RCN3: variants seen among roughly 807,000 people sequenced by gnomAD.
RCN3 encodes the protein reticulocalbin-3.
RCN3 carries 41 observed loss-of-function variants against 35.9 expected under a neutral mutation model. That is an observed-to-expected ratio of 1.14 (90% CI 0.89 to 1.48). The LOEUF (loss-of-function observed/expected upper bound fraction) is 1.48. RCN3 is among the 40% of genes most tolerant of loss of function. The pLI is 0.00. For missense variants in RCN3, 451 were observed against 471.3 expected, an observed-to-expected ratio of 0.96 and a Z score of 0.40; for synonymous variants, 187 against 193.4, an observed-to-expected ratio of 0.97 and a Z score of 0.27.
chr19:49,529,416 G>A (rs573601455), intron 2 of RCN3, among the ~76,000 whole-genome samples: 14 of 152,330 alleles, frequency 9.2e-5, no homozygotes, highest in Non-Finnish European at 1.8e-4. Flanking sequence ...TGGGTGGAAT[G>A]GAGCCCTGTC....
rs79559204 is a variant in RCN3 at position 49,537,130 on chromosome 19, G to A, written c.543G>A (p.Ser181=). 4.9e-3 allele frequency: 7,885 copies of A among 1,597,044 alleles called. 339 individuals are homozygous for A. The African/African-American group carries it at 0.09, about 18-fold the overall frequency. ...RFRVADQDGD[S]MATREELTAF... ...GGGTGGCCGACCAGGATGGGGACTC[G>A]ATGGCCACTCGAGAGGAGCTGACAG... Residue 181 remains serine (S), a synonymous_variant, in exon 4 of 7, where the codon TCG becomes TCA. Transcript: ENST00000270645.
At position 49,542,722 on chromosome 19, in the gene RCN3, C is replaced by G; in HGVS notation, c.849C>G (p.Asn283Lys). 1 of 1,593,446 alleles carries G rather than the reference C, an allele frequency of 6.3e-7. No homozygotes were observed. The highest frequency in any genetic ancestry group is 8.5e-7 in the Non-Finnish European group (1 of 1,171,542). Residue 283 changes from asparagine (N) to lysine (K), a missense_variant, in exon 6 of 7, where the codon AAC becomes AAG. By Grantham distance (94) the Asn-to-Lys change is moderately conservative (BLOSUM62 0). Coordinates refer to ENST00000270645, the MANE Select transcript of RCN3 (RefSeq NM_020650.3). Reference protein sequence around the residue: ...PAQDQPLVEANHLLHESDTDK... With the variant: ...PAQDQPLVEAKHLLHESDTDK... ...AGGACCAGCCCCTGGTGGAAGCCAA[C>G]CACCTGCTGCACGAGAGCGACACGG...
intron 2 of RCN3, among the ~76,000 whole-genome samples, chr19:49,529,936 A>C (rs867172361): frequency 1.0e-5 from 1 of 96,278 alleles, no homozygotes; most frequent in East Asian, 3.8e-4. Flanking sequence ...TTGTATTTTT[A>C]TTTTTTATTT....
Position 49,539,181 on chromosome 19 carries a change from T to C in RCN3, c.679+2T>C. On this transcript the variant is annotated splice_donor_variant, in intron 5 of 6. Transcript: ENST00000270645. LOFTEE classifies it high-confidence loss of function. The stretch of plus-strand genomic sequence containing the variant: ...ATGTCCAGGTGGAGGAGTACATCGG[T>C]GAGTGGGCCCCAATTTCTTCTTGGG... 6.2e-7 allele frequency: 1 copy of C among 1,609,100 alleles called. No homozygotes were observed. The highest frequency in any genetic ancestry group is 1.1e-5 in the South Asian group (1 of 90,420).
chr19:49,532,486 C>G (rs2080113629), intron 2 of RCN3, among the ~76,000 whole-genome samples: 1 of 151,618 alleles, frequency 6.6e-6, no homozygotes, highest in Non-Finnish European at 1.5e-5. Context: ...AGCAATTCTC[C>G]TGCCTCAGCC....
At position 49,528,455 on chromosome 19, in the gene RCN3, G is replaced by A. The variant is rs1170658045; in HGVS notation, c.-6-12G>A. 1 of 1,477,768 alleles carries A rather than the reference G, an allele frequency of 6.8e-7. No homozygotes were observed. The highest frequency in any genetic ancestry group is 9.0e-7 in the Non-Finnish European group (1 of 1,113,818). 91.5% of individuals were successfully genotyped at this position (1,477,768 alleles called of 1,614,324 possible). ...CTGTGACCCCTGACCCCTGGCCTTT[G>A]CCACTCCCCAGGGACCGATGATGTG... On this transcript the variant is annotated splice_polypyrimidine_tract_variant and intron_variant, in intron 1 of 6. Transcript: ENST00000270645.
At chr19:49,531,607 G>A (rs1031448213) in intron 2 of RCN3, among the ~76,000 whole-genome samples, 1 of 152,084 alleles carries the variant, frequency 6.6e-6, no homozygotes, top group Non-Finnish European at 1.5e-5. Flanking sequence ...TAGTCCAGGT[G>A]GAAGACAAGA....
In RCN3 at chr19:49,534,270, C is replaced by A; in HGVS notation, c.320C>A (p.Ala107Glu). 6.8e-7 allele frequency: 1 copy of A among 1,464,084 alleles called. No homozygotes were observed. Among genetic ancestry groups the A allele is most frequent in the Non-Finnish European group, 9.0e-7 (1 of 1,110,570 alleles). The allele number at this position is 1,464,084 out of a possible 1,614,324, so 90.7% of individuals were successfully genotyped here. A position where few individuals can be genotyped will look rare whatever the true frequency, so the allele number is the denominator to read the frequency against. The change falls in exon 3 of 7, where the codon GCG (alanine) becomes GAG (glutamate). Residue 107 changes from alanine to glutamate, a missense_variant. Transcript: ENST00000270645. The stretch of plus-strand genomic sequence containing the variant: ...CTGGCCGAGCTTCGCGCGTGGATCG[C>A]GCACACGCAGCAGCGGCACATACGG... Reference protein sequence around the residue: ...VSLAELRAWIAHTQQRHIRDS... With the variant: ...VSLAELRAWIEHTQQRHIRDS...
intron 2 of RCN3, 64 bp from the exon 3 acceptor site, chr19:49,534,129 C>A: frequency 7.2e-7 from 1 of 1,394,818 alleles, no homozygotes. Flanking sequence ...GGGGCGTGGC[C>A]CGTGCGAGGG....
At chr19:49,534,056 C>T in intron 2 of RCN3, 137 bp from the exon 3 acceptor site, 1 of 886,672 alleles carries the variant, frequency 1.1e-6, no homozygotes, top group Non-Finnish European at 1.6e-6. Flanking sequence ...TGACCCGCGC[C>T]CCTCCCCAGT....
At chr19:49,529,555 C>T (rs1035111313) in intron 2 of RCN3, among the ~76,000 whole-genome samples, 1 of 152,208 alleles carries the variant, frequency 6.6e-6, no homozygotes, top group African/African-American at 2.4e-5. Flanking sequence ...AGGCACTGCT[C>T]TAGGTGCTGA....
At position 49,528,550 on chromosome 19, in the gene RCN3, A is replaced by G; in HGVS notation, c.78A>G (p.Ala26=). ...CCCAGGGGAAGCCATCCCCAGACGCAGGCCCTCATGGCCAGGGGAGGGTGC... is the reference window on the plus strand; with the variant it reads ...CCCAGGGGAAGCCATCCCCAGACGCGGGCCCTCATGGCCAGGGGAGGGTGC... The part of the protein sequence containing the change: ...HGAQGKPSPD[A]GPHGQGRVHQ... Residue 26 remains alanine (A), a synonymous_variant, in exon 2 of 7, where the codon GCA becomes GCG. Transcript: ENST00000270645. 6.3e-7 allele frequency: 1 copy of G among 1,589,952 alleles called. No individual in the cohort carries two copies. The highest frequency in any genetic ancestry group is 2.3e-5 in the East Asian group (1 of 43,708).
rs144897848 is a variant in RCN3 at position 49,532,517 on chromosome 19, A to C, written c.243-1676A>C. On this transcript the variant is annotated intron_variant, in intron 2 of 6. Coordinates refer to ENST00000270645, the MANE Select transcript of RCN3 (RefSeq NM_020650.3). ...CAGCCTCCCGAGTAGTGGATATTAC[A>C]GGCATCCACCACTGTGCCCGGCTAC... 5.3e-5 allele frequency among the ~76,000 whole-genome samples: 8 copies of C among 151,890 alleles called. No individual in the cohort carries two copies. The East Asian group carries it at 1.5e-3, about 29-fold the overall frequency.
In RCN3 at chr19:49,543,215, C is replaced by T; in HGVS notation, c.*2C>T. 6.2e-7 allele frequency: 1 copy of T among 1,602,876 alleles called. No homozygotes were observed. Among genetic ancestry groups the T allele is most frequent in the Non-Finnish European group, 8.5e-7 (1 of 1,173,844 alleles). On this transcript the variant is annotated 3_prime_UTR_variant, in exon 7 of 7. Transcript: ENST00000270645. ...ACCCGGCACCACGATGAGCTGTGAG[C>T]ACCGCGCACCTGCCACAGCCTCAGA...
intron 5 of RCN3, among the ~76,000 whole-genome samples, chr19:49,540,494 C>G (rs1179563560): frequency 4.6e-5 from 7 of 152,066 alleles, no homozygotes; most frequent in African/African-American, 1.7e-4. Context: ...TTGGCAGGAG[C>G]CTGTAATCCC....
In RCN3 at chr19:49,543,241, G is replaced by A; in HGVS notation, c.*28G>A. ...ACCGCGCACCTGCCACAGCCTCAGA[G>A]GCCCGCACAATGACCGGAGGAGGGG... On this transcript the variant is annotated 3_prime_UTR_variant, in exon 7 of 7. Coordinates refer to ENST00000270645, the MANE Select transcript of RCN3 (RefSeq NM_020650.3). 2 of 1,573,766 alleles carry A rather than the reference G, an allele frequency of 1.3e-6. No homozygotes were observed. Among genetic ancestry groups the A allele is most frequent in the Non-Finnish European group, 1.7e-6 (2 of 1,145,632 alleles).
intron 2 of RCN3, among the ~76,000 whole-genome samples, chr19:49,530,518 C>T (rs1601206953): frequency 7.6e-6 from 1 of 132,080 alleles, no homozygotes; most frequent in East Asian, 2.4e-4. Flanking sequence ...TTTTTTGAGA[C>T]GGAGTTTTGC....
At chr19:49,531,737 G>T (rs2080108876) in intron 2 of RCN3, among the ~76,000 whole-genome samples, 1 of 152,174 alleles carries the variant, frequency 6.6e-6, no homozygotes, top group South Asian at 2.1e-4. Context: ...GCAGTGACAG[G>T]TTAGCACATT....
In RCN3 at chr19:49,543,166, G is replaced by A. The variant is rs1322238682; in HGVS notation, c.940G>A (p.Ala314Thr). Residue 314 changes from alanine to threonine, a missense_variant, in exon 7 of 7, where the codon GCC (alanine) becomes ACC (threonine). Coordinates refer to ENST00000270645, the MANE Select transcript of RCN3 (RefSeq NM_020650.3). ...TTGGAACATGTTTGTGGGCAGTCAG[G>A]CCACCAACTATGGCGAGGACCTGAC... is the stretch of plus-strand genomic sequence containing the variant. ...GNWNMFVGSQATNYGEDLTRH... is the reference protein window; with the variant it reads ...GNWNMFVGSQTTNYGEDLTRH... 6.2e-7 allele frequency: 1 copy of A among 1,614,054 alleles called. No homozygotes were observed. The highest frequency in any genetic ancestry group is 8.5e-7 in the Non-Finnish European group (1 of 1,179,976).
Sources: allele counts gnomAD v4.1 joint callset (sites outside exome capture counted in the v4.1 genomes callset), GRCh38; gene constraint gnomAD v4.1.1; transcripts MANE v1.5; gene names NCBI Gene and HGNC (gene_info 2026-07-23, HGNC 2026-07-21).